Variants in RYR3 observed in about 807,000 individuals in gnomAD.
The protein encoded by RYR3 is brain ryanodine receptor-calcium release channel.
A neutral mutation model predicts 584.3 loss-of-function variants in RYR3; 207 were observed. The observed-to-expected ratio is 0.35, with a 90% CI of 0.32 to 0.40. The LOEUF (loss-of-function observed/expected upper bound fraction) is 0.40. Among genes scored for constraint, RYR3 ranks in the 10% least tolerant of loss-of-function variants. RYR3 has a pLI of 1.00. For synonymous variants in RYR3, 2,416 were observed against 2,248.5 expected (o/e 1.07, Z -2.11); for missense variants, 5,616 against 6,089.2 (o/e 0.92, Z 2.59).
At chr15:33,418,562 A>G (rs1482372680) in intron 1 of RYR3, among the ~76,000 whole-genome samples, 1 of 151,986 alleles carries the variant, frequency 6.6e-6, no homozygotes, top group East Asian at 1.9e-4. Context: ...AGGAAAGATG[A>G]CCCTGGAAGG....
chr15:33,556,578 G>A (rs933723284), intron 10 of RYR3, among the ~76,000 whole-genome samples: 2 of 152,196 alleles, frequency 1.3e-5, no homozygotes, highest in African/African-American at 4.8e-5. Context: ...ACTCTTAGAA[G>A]AAGATTCAGT....
chr15:33,864,324 T>C, intron 103 of RYR3, 135 bp downstream of exon 103: 1 of 685,060 alleles, frequency 1.5e-6, no homozygotes, highest in Non-Finnish European at 2.4e-6. Context: ...CACCTTTTTG[T>C]GACTCAATAA....
intron 8 of RYR3, among the ~76,000 whole-genome samples, chr15:33,544,902 T>G (rs1250474453): frequency 6.6e-6 from 1 of 152,168 alleles, no homozygotes; most frequent in South Asian, 2.1e-4. Flanking sequence ...GTCGACCTTA[T>G]TTTCCTTAGA....
At chr15:33,796,039 A>G (rs1050358724) in intron 67 of RYR3, among the ~76,000 whole-genome samples, 2 of 152,176 alleles carry the variant, frequency 1.3e-5, no homozygotes, top group Non-Finnish European at 2.9e-5. Context: ...AAAGCTGAAA[A>G]AAGCTCTTAC....
In RYR3 at chr15:33,757,594, CG is replaced by C; in HGVS notation, c.8705+1del. On this transcript the variant is annotated frameshift_variant and splice_region_variant, in exon 60 of 104. Coordinates refer to ENST00000634891, the MANE Select transcript of RYR3 (RefSeq NM_001036.6). LOFTEE classifies it high-confidence loss of function. ...CCCATAAGGAGAAAGAAATGGTGGCCGGGTGAGTCTACAAGATAAAGGGAAG... is the reference window on the plus strand; with the variant it reads ...CCCATAAGGAGAAAGAAATGGTGGCCGGTGAGTCTACAAGATAAAGGGAAG... ...ASHKEKEMVAGLFCKLAALVR... is the reference protein window; with the variant it reads ...ASHKEKEMVAXLFCKLAALVR... The C allele has an allele frequency of 1.2e-6, 2 of 1,609,534 alleles. No individual in the cohort carries two copies. Among genetic ancestry groups the C allele is most frequent in the Non-Finnish European group, 1.7e-6 (2 of 1,178,206 alleles).
At chr15:33,583,850 G>C (rs556895357) in intron 14 of RYR3, among the ~76,000 whole-genome samples, 2 of 151,994 alleles carry the variant, frequency 1.3e-5, no homozygotes, top group East Asian at 3.9e-4. Flanking sequence ...TCAGGAGTTC[G>C]AGACCAGCCT....
intron 7 of RYR3, among the ~76,000 whole-genome samples, chr15:33,542,107 T>C (rs902600749): frequency 6.6e-5 from 10 of 152,156 alleles, no homozygotes; most frequent in Admixed American, 1.3e-4. Flanking sequence ...TCTGGATAAC[T>C]CATCACTTGA....
At chr15:33,420,947 G>C (rs1231578184) in intron 1 of RYR3, among the ~76,000 whole-genome samples, 2 of 152,076 alleles carry the variant, frequency 1.3e-5, no homozygotes, top group Non-Finnish European at 2.9e-5. Context: ...GTGTGCTGGA[G>C]ACTGAGGAGG....
intron 38 of RYR3, among the ~76,000 whole-genome samples, chr15:33,674,550 A>G (rs929934286): frequency 6.6e-6 from 1 of 152,172 alleles, no homozygotes; most frequent in African/African-American, 2.4e-5. Flanking sequence ...TATGGCACAA[A>G]TCTTTTTGAC....
intron 67 of RYR3, 141 bp downstream of exon 67, chr15:33,788,599 A>G: frequency 1.1e-6 from 1 of 906,120 alleles, no homozygotes; most frequent in Non-Finnish European, 1.6e-6. Context: ...CCTTCCCAAC[A>G]CCAATGGTTC....
chr15:33,861,005 T>A lies in RYR3; in HGVS notation c.14365-73T>A, dbSNP rs950817973. 5 of 1,160,856 alleles carry A rather than the reference T, an allele frequency of 4.3e-6. No individual in the cohort carries two copies. In the African/African-American group the frequency reaches 6.1e-5, roughly 14 times the overall value. The allele number at this position is 1,160,856 out of a possible 1,614,324, so 71.9% of individuals were successfully genotyped here. The stretch of plus-strand genomic sequence containing the variant: ...AAGTTTTCATTATCCTTCAATTCGA[T>A]AGAATCATGACAGTTTTCTCTCCTG... On this transcript the variant is annotated intron_variant, in intron 101 of 103. Transcript: ENST00000634891.
rs751289333 is a variant in RYR3 at position 33,550,285 on chromosome 15, A to C, written c.941A>C (p.Lys314Thr). ...ILQDRAKSDT[K>T]STAFSFRASK... is the part of the protein sequence containing the mutation. ...CAAGACCGGGCAAAGTCAGACACCA[A>C]GTCCACAGCTTTCTCTTTCCGGGCA... The change falls in exon 10 of 104, where the codon AAG (lysine) becomes ACG (threonine). Residue 314 changes from lysine to threonine, a missense_variant. By Grantham distance (78) the Lys-to-Thr change is moderately conservative. Transcript: ENST00000634891. The C allele has an allele frequency of 3.1e-6, 5 of 1,613,520 alleles. No individual in the cohort carries two copies. The highest frequency in any genetic ancestry group is 3.4e-6 in the Non-Finnish European group (4 of 1,179,710).
At chr15:33,378,130 T>C (rs16970383) in intron 1 of RYR3, among the ~76,000 whole-genome samples, 24,044 of 152,192 alleles carry the variant, frequency 0.16, 2,177 homozygotes, top group African/African-American at 0.24. Flanking sequence ...CTTAGCATAA[T>C]GCTTGGCATA....
intron 1 of RYR3, among the ~76,000 whole-genome samples, chr15:33,437,117 AGTGTGTGTGT>A (rs71415518): frequency 0.045 from 6,680 of 149,556 alleles, 477 homozygotes; most frequent in African/African-American, 0.15. Flanking sequence ...AGAGAGATAG[AGTGTGTGTGT>A]GTGTGTGTGT....
chr15:33,357,355 GA>G (rs1436035186), intron 1 of RYR3, among the ~76,000 whole-genome samples: 1 of 152,216 alleles, frequency 6.6e-6, no homozygotes, highest in Non-Finnish European at 1.5e-5. Context: ...TTGGACAAGA[GA>G]AAAGGTGAGT....
chr15:33,664,176 A>G (rs553818500), intron 36 of RYR3, among the ~76,000 whole-genome samples: 1 of 152,224 alleles, frequency 6.6e-6, no homozygotes, highest in South Asian at 2.1e-4. Context: ...TCTTCTTCTA[A>G]TGCGTCTAAA....
chr15:33,738,043 T>G (rs1057291746), intron 49 of RYR3, among the ~76,000 whole-genome samples: 2 of 152,068 alleles, frequency 1.3e-5, no homozygotes, highest in Non-Finnish European at 2.9e-5. Context: ...TCTCCCCATA[T>G]CAGCATCCCC....
chr15:33,767,340 A>G (rs1435821428), intron 60 of RYR3, among the ~76,000 whole-genome samples: 7 of 152,134 alleles, frequency 4.6e-5, no homozygotes, highest in Admixed American at 2.6e-4. Flanking sequence ...ATGGGAAGAA[A>G]AAAAGAGCAG....
At chr15:33,780,484 C>T in intron 65 of RYR3, 143 bp downstream of exon 65, 1 of 750,306 alleles carries the variant, frequency 1.3e-6, no homozygotes, top group Non-Finnish European at 2.1e-6. Context: ...GACTAGGTTG[C>T]AGGTCTGCAT....
Sources: gnomAD v4.1 joint callset for allele counts (sites outside exome capture counted in the v4.1 genomes callset) on GRCh38, gnomAD v4.1.1 for gene constraint, MANE v1.5 for transcripts, NCBI Gene and HGNC (gene_info 2026-07-23, HGNC 2026-07-21) for gene names.